The following AKAP13 variants were observed in gnomAD, a reference collection of about 807,000 sequenced individuals.
AKAP13 encodes A-kinase anchoring protein 13.
In AKAP13, 80 loss-of-function variants were observed where a neutral mutation model predicts 264.5. The observed-to-expected ratio is 0.30, with a 90% CI of 0.25 to 0.36. The LOEUF (loss-of-function observed/expected upper bound fraction) is 0.36, where lower values mean the gene tolerates loss of function less well. Ranked by LOEUF, AKAP13 falls within the 10% of genes least tolerant of loss-of-function variation. The probability of loss-of-function intolerance (pLI) is 1.00; values close to 1 mark genes in which losing one functional copy is unlikely to be tolerated. For synonymous variants in AKAP13, 1,380 were observed against 1,250.2 expected (o/e 1.10, Z -2.19); for missense variants, 3,712 against 3,435.2 (o/e 1.08, Z -2.01).
chr15:85,507,334 C>G (rs2076259446), intron 2 of AKAP13, among the ~76,000 whole-genome samples: 1 of 150,126 alleles, frequency 6.7e-6, no homozygotes, highest in East Asian at 1.9e-4. Context: ...TGTTGAAACA[C>G]AGTCACTCCC....
At chr15:85,744,552 T>C in intron 36 of AKAP13, 76 bp from the exon 37 acceptor site, 1 of 1,513,132 alleles carries the variant, frequency 6.6e-7, no homozygotes, top group South Asian at 1.1e-5. Flanking sequence ...TACAGAAGAC[T>C]TTGGGATGGG....
chr15:85,585,227 ATGTTAG>A (rs1184924003), intron 7 of AKAP13, among the ~76,000 whole-genome samples: 1 of 152,174 alleles, frequency 6.6e-6, no homozygotes, highest in Non-Finnish European at 1.5e-5. Context: ...AGTGTGTTGT[ATGTTAG>A]TGAAAGTCAT....
intron 2 of AKAP13, among the ~76,000 whole-genome samples, chr15:85,512,861 GTA>G (rs2076484499): frequency 7.6e-6 from 1 of 132,422 alleles, no homozygotes; most frequent in Admixed American, 7.8e-5. Flanking sequence ...ATGTATGTAT[GTA>G]TGTATGTTTT....
chr15:85,395,087 G>A (rs1020923340), intron 1 of AKAP13, among the ~76,000 whole-genome samples: 2 of 152,154 alleles, frequency 1.3e-5, no homozygotes, highest in African/African-American at 4.8e-5. Flanking sequence ...AGTGCTTATA[G>A]CCCATTGTTC....
chr15:85,447,351 T>G (rs1596210122), intron 1 of AKAP13, among the ~76,000 whole-genome samples: 2 of 151,980 alleles, frequency 1.3e-5, no homozygotes, highest in South Asian at 4.1e-4. Context: ...GGACCTGGAT[T>G]TGATTTTTAA....
chr15:85,414,321 G>T (rs2072129607), intron 1 of AKAP13, among the ~76,000 whole-genome samples: 1 of 152,130 alleles, frequency 6.6e-6, no homozygotes, highest in South Asian at 2.1e-4. Context: ...ATTGTGTGAA[G>T]GGTTTTTGAA....
chr15:85,482,266 C>T (rs538179883), intron 1 of AKAP13, among the ~76,000 whole-genome samples: 1 of 152,152 alleles, frequency 6.6e-6, no homozygotes, highest in African/African-American at 2.4e-5. Context: ...GAGGCCTTCC[C>T]TCAGCACCAT....
At chr15:85,717,263 C>T (rs1376689412) in intron 20 of AKAP13, 27 bp from the exon 21 acceptor site, 4 of 1,417,540 alleles carry the variant, frequency 2.8e-6, no homozygotes, top group Non-Finnish European at 4.0e-6. Flanking sequence ...ATGTATTTGA[C>T]AGTATGTATT....
At chr15:85,416,630 T>A (rs979243548) in intron 1 of AKAP13, among the ~76,000 whole-genome samples, 4 of 152,226 alleles carry the variant, frequency 2.6e-5, no homozygotes, top group South Asian at 2.1e-4. Flanking sequence ...CATAATTTGC[T>A]TTAACTTGCA....
intron 1 of AKAP13, among the ~76,000 whole-genome samples, chr15:85,394,122 A>T (rs2071000478): frequency 1.3e-5 from 2 of 152,362 alleles, no homozygotes; most frequent in Middle Eastern, 3.4e-3. Context: ...CTATATAGGA[A>T]GTTGAAAAAC....
At position 85,747,869 on chromosome 15, in the gene AKAP13, C is replaced by G. The variant is rs2089416294; in HGVS notation, c.*3192C>G. 6.5e-6 allele frequency: 1 copy of G among 153,064 alleles called. No homozygotes were observed. Among genetic ancestry groups the G allele is most frequent in the Admixed American group, 6.6e-5 (1 of 15,248 alleles). The allele number at this position is 153,064 out of a possible 1,614,324, so 9.5% of individuals were successfully genotyped here. A position where few individuals can be genotyped will look rare whatever the true frequency, so the allele number is the denominator to read the frequency against. Reference sequence around the variant, plus strand: ...CAGGGTAATACTATTCAGAGTCGCCCCTTTGCTCATTTTCTCCCGTATTTG... The same window carrying G: ...CAGGGTAATACTATTCAGAGTCGCCGCTTTGCTCATTTTCTCCCGTATTTG... On this transcript the variant is annotated 3_prime_UTR_variant, in exon 37 of 37. Transcript: ENST00000394518.
intron 1 of AKAP13, among the ~76,000 whole-genome samples, chr15:85,419,291 A>G (rs182369611): frequency 5.8e-4 from 88 of 152,350 alleles, no homozygotes; most frequent in African/African-American, 2.1e-3. Flanking sequence ...GGGCCACTTT[A>G]TAAAATGCTC....
intron 14 of AKAP13, among the ~76,000 whole-genome samples, chr15:85,676,699 T>C (rs1054661322): frequency 2.0e-5 from 3 of 152,230 alleles, no homozygotes; most frequent in Non-Finnish European, 2.9e-5. Context: ...GTTTTTAGTA[T>C]ACTTTTAAGG....
chr15:85,533,594 T>C lies in AKAP13; in HGVS notation c.192T>C (p.Cys64=), dbSNP rs2151191148. Residue 64 remains cysteine, a synonymous_variant, in exon 4 of 37, where the codon TGT becomes TGC. Transcript: ENST00000394518. ...CTGTGTTTCCTTTAGGTCATGATTG[T>C]TGTGAAACAGTGAAGGTGCAGCTCT... ...TLETIAPGHD[C]CETVKVQLCA... The C allele has an allele frequency of 1.9e-6, 3 of 1,608,960 alleles. No homozygotes were observed. The highest frequency in any genetic ancestry group is 1.7e-4 in the Middle Eastern group (1 of 6,038).
intron 8 of AKAP13, among the ~76,000 whole-genome samples, chr15:85,600,275 A>G (rs890297186): frequency 6.6e-6 from 1 of 151,196 alleles, no homozygotes; most frequent in African/African-American, 2.4e-5. Flanking sequence ...CTTGTGGTGT[A>G]TCACCCCAGC....
At chr15:85,481,549 T>G (rs757483960) in intron 1 of AKAP13, among the ~76,000 whole-genome samples, 3 of 152,204 alleles carry the variant, frequency 2.0e-5, no homozygotes, top group Non-Finnish European at 2.9e-5. Context: ...TTTTTTCTCA[T>G]CAGTATAAAA....
At chr15:85,389,353 A>G (rs1422286169) in intron 1 of AKAP13, among the ~76,000 whole-genome samples, 1 of 152,124 alleles carries the variant, frequency 6.6e-6, no homozygotes, top group African/African-American at 2.4e-5. Flanking sequence ...TCTAGAAGGT[A>G]CCTCCAGCCA....
In AKAP13 at chr15:85,748,145, T is replaced by C. The variant is rs1202384083; in HGVS notation, c.*3468T>C. The C allele has an allele frequency of 1.3e-5, 2 of 152,148 alleles. No homozygotes were observed. The highest frequency in any genetic ancestry group is 1.3e-4 in the Admixed American group (2 of 15,284). 9.4% of individuals were successfully genotyped at this position (152,148 alleles called of 1,614,324 possible). ...TTCTGTAGCCAGGTCTTCCCAAGGA[T>C]TTTAGTATTTGCATTGGAGTTGAGG... On this transcript the variant is annotated 3_prime_UTR_variant, in exon 37 of 37. Coordinates refer to ENST00000394518, the MANE Select transcript of AKAP13 (RefSeq NM_007200.5).
chr15:85,689,071 T>C (rs2085111710), intron 16 of AKAP13, among the ~76,000 whole-genome samples: 1 of 152,230 alleles, frequency 6.6e-6, no homozygotes, highest in African/African-American at 2.4e-5. Flanking sequence ...AATACTAAGC[T>C]TTCCTCTTTG....
Sources: allele counts gnomAD v4.1 joint callset (sites outside exome capture counted in the v4.1 genomes callset), GRCh38; gene constraint gnomAD v4.1.1; transcripts MANE v1.5; gene names NCBI Gene and HGNC (gene_info 2026-07-23, HGNC 2026-07-21).